KRT8: variants seen among roughly 807,000 people sequenced by gnomAD.
KRT8 encodes the protein keratin, type II cytoskeletal 8.
KRT8 carries 24 observed loss-of-function variants against 43.0 expected under a neutral mutation model. The ratio of observed to expected loss-of-function variants is 0.56; its 90% CI spans 0.40 to 0.78. The LOEUF (loss-of-function observed/expected upper bound fraction) is 0.78, where lower values mean the gene tolerates loss of function less well. Among genes scored for constraint, KRT8 ranks in the 30% least tolerant of loss-of-function variants. The pLI is 0.00. For missense variants in KRT8, 492 were observed against 638.4 expected (o/e 0.77, Z 2.47); for synonymous variants, 214 against 261.2 (o/e 0.82, Z 1.74).
intron 2 of KRT8, 187 bp downstream of exon 2, chr12:52,901,677 T>A (rs1004449834): frequency 1.6e-6 from 1 of 623,020 alleles, no homozygotes; most frequent in Non-Finnish European, 2.9e-6. Context: ...GTGGGTACTA[T>A]CAACAATTGT....
At chr12:52,905,720 C>T (rs1353127283), upstream of KRT8, among the ~76,000 whole-genome samples, 2 of 62,314 alleles carry the variant, frequency 3.2e-5, no homozygotes, top group Admixed American at 1.5e-4. Flanking sequence ...ACATCACACG[C>T]GCACACACAC....
At chr12:52,918,076 G>GGAT (rs1941786902) in intron 2 of KRT8, among the ~76,000 whole-genome samples, 1 of 128,602 alleles carries the variant, frequency 7.8e-6, no homozygotes, top group Non-Finnish European at 1.6e-5. Context: ...AAGAAGAAGA[G>GGAT]GAGGAGGAGG....
intron 2 of KRT8, among the ~76,000 whole-genome samples, chr12:52,916,181 T>C (rs1054039384): frequency 5.3e-5 from 8 of 152,066 alleles, no homozygotes; most frequent in African/African-American, 1.9e-4. Flanking sequence ...AGCAGGATGA[T>C]GAGCTTAAAG....
chr12:52,934,100 G>A (rs1035004813), intron 2 of KRT8, among the ~76,000 whole-genome samples: 1 of 151,668 alleles, frequency 6.6e-6, no homozygotes, highest in Non-Finnish European at 1.5e-5. Flanking sequence ...ATGGTGGCAT[G>A]TGCCTGTAGT....
chr12:52,948,590 C>A, intron 2 of KRT8: 1 of 224,284 alleles, frequency 4.5e-6, no homozygotes, highest in Non-Finnish European at 8.4e-6. Context: ...CTCCCAGGTT[C>A]AAGCGATTCC....
intron 2 of KRT8, chr12:52,926,513 C>A (rs1941995515): frequency 6.6e-7 from 1 of 1,506,796 alleles, no homozygotes; most frequent in Non-Finnish European, 8.9e-7. Context: ...CTGCCCCAGT[C>A]ACCTCTGCCG....
At chr12:52,906,255 G>A (rs989262312), upstream of KRT8, among the ~76,000 whole-genome samples, 5 of 152,094 alleles carry the variant, frequency 3.3e-5, no homozygotes, top group Non-Finnish European at 4.4e-5. Flanking sequence ...GGTTGGGGGG[G>A]GCAAGAGGAG....
chr12:52,914,274 C>T (rs1470364259), intron 2 of KRT8, among the ~76,000 whole-genome samples: 1 of 151,798 alleles, frequency 6.6e-6, no homozygotes, highest in South Asian at 2.1e-4. Flanking sequence ...CAGTGGCTCA[C>T]GCCTGTAATC....
upstream of KRT8, among the ~76,000 whole-genome samples, chr12:52,908,224 A>G (rs1020169544): frequency 1.5e-4 from 23 of 151,812 alleles, no homozygotes; most frequent in Non-Finnish European, 2.9e-4. Context: ...GGTCTGAACA[A>G]GTTTTTTTTT....
chr12:52,944,896 T>A (rs1444876641), intron 2 of KRT8, among the ~76,000 whole-genome samples: 1 of 152,172 alleles, frequency 6.6e-6, no homozygotes, highest in Non-Finnish European at 1.5e-5. Flanking sequence ...GATATCAGAC[T>A]GGGTCCTGCA....
intron 5 of KRT8, 67 bp from the exon 6 acceptor site, chr12:52,898,966 C>A: frequency 7.0e-7 from 1 of 1,435,882 alleles, no homozygotes; most frequent in East Asian, 2.3e-5. Context: ...TGCTCCCACC[C>A]TCCCTCAGGG....
At chr12:52,912,571 T>A (rs1428788895) in intron 2 of KRT8, among the ~76,000 whole-genome samples, 2 of 152,114 alleles carry the variant, frequency 1.3e-5, no homozygotes, top group Admixed American at 1.3e-4. Flanking sequence ...GCTTTCCCAA[T>A]CCACGGGACC....
At chr12:52,918,203 A>AAGAAGG (rs1565725692) in intron 2 of KRT8, among the ~76,000 whole-genome samples, 22 of 116,094 alleles carry the variant, frequency 1.9e-4, no homozygotes, top group African/African-American at 8.1e-4. Flanking sequence ...GAAGAAGAAG[A>AAGAAGG]ACAAGAAGAA....
rs990090080 is a variant in KRT8, at chr12:52,899,037, G to C, written c.982-138C>G. The C allele has an allele frequency of 6.5e-6, 5 of 765,562 alleles. No individual in the cohort carries two copies. In the Admixed American group the frequency reaches 1.0e-4, roughly 16 times the overall value. 47.4% of individuals were successfully genotyped at this position (765,562 alleles called of 1,614,324 possible). A position where few individuals can be genotyped will look rare whatever the true frequency, so the allele number is the denominator to read the frequency against. ...CTCAAATTAAATGAGACTAAGGGCCGGGCACAGTGGCTCATGCCTGTAATC... is the reference window on the plus strand; with the variant it reads ...CTCAAATTAAATGAGACTAAGGGCCCGGCACAGTGGCTCATGCCTGTAATC... On this transcript the variant is annotated intron_variant, in intron 5 of 7. Transcript: ENST00000692008.
intron 2 of KRT8, chr12:52,949,354 G>A: frequency 6.2e-7 from 1 of 1,609,520 alleles, no homozygotes; most frequent in Non-Finnish European, 8.5e-7. Context: ...CATGGGGTCC[G>A]GGGGCCTGGC....
intron 2 of KRT8, among the ~76,000 whole-genome samples, chr12:52,921,237 T>C (rs1941880508): frequency 6.6e-6 from 1 of 152,120 alleles, no homozygotes; most frequent in Non-Finnish European, 1.5e-5. Context: ...CATTCTACCT[T>C]CTCTCTCCTT....
chr12:52,931,844 G>A (rs879569129), intron 2 of KRT8, among the ~76,000 whole-genome samples: 12 of 151,940 alleles, frequency 7.9e-5, no homozygotes, highest in Non-Finnish European at 1.2e-4. Flanking sequence ...TGTAATTTTA[G>A]TAAAGATGGG....
chr12:52,928,505 A>G (rs375750833), intron 2 of KRT8, among the ~76,000 whole-genome samples: 81 of 152,192 alleles, frequency 5.3e-4, no homozygotes, highest in Non-Finnish European at 1.0e-3. Flanking sequence ...ACCTTGTCTC[A>G]TCAAATAGTA....
At chr12:52,938,192 A>C (rs1942210869) in intron 2 of KRT8, among the ~76,000 whole-genome samples, 1 of 68,786 alleles carries the variant, frequency 1.5e-5, no homozygotes, top group Non-Finnish European at 3.1e-5. Context: ...TTTTATATAT[A>C]AGGTCTTGCT....
Sources: gnomAD v4.1 joint callset for allele counts (sites outside exome capture counted in the v4.1 genomes callset) on GRCh38, gnomAD v4.1.1 for gene constraint, MANE v1.5 for transcripts, NCBI Gene and HGNC (gene_info 2026-07-23, HGNC 2026-07-21) for gene names.